Variants in SHLD2 observed in about 807,000 individuals in gnomAD.
The protein encoded by SHLD2 is shieldin complex subunit 2.
A neutral mutation model predicts 73.2 loss-of-function variants in SHLD2; 30 were observed. The observed-to-expected ratio is 0.41, with a 90% CI of 0.31 to 0.56. The LOEUF (loss-of-function observed/expected upper bound fraction) is 0.56. SHLD2 is among the 20% of genes least tolerant of loss of function. SHLD2 has a pLI of 0.28. For missense variants in SHLD2, 745 were observed against 1,055.9 expected, an observed-to-expected ratio of 0.71 and a Z score of 4.08; for synonymous variants, 285 against 370.1, an observed-to-expected ratio of 0.77 and a Z score of 2.64.
intron 2 of SHLD2, among the ~76,000 whole-genome samples, chr10:87,106,797 G>A (rs988854466): frequency 1.3e-5 from 2 of 152,122 alleles, no homozygotes; most frequent in African/African-American, 4.8e-5. Context: ...TAAAATAAGA[G>A]GGCTAAACTG....
chr10:87,191,038 T>C lies in SHLD2; in HGVS notation c.*355T>C, dbSNP rs1249205816. On this transcript the variant is annotated 3_prime_UTR_variant, in exon 10 of 10. Transcript: ENST00000298786. ...GGGGAACCACAGAGAAGACATTCCC[T>C]CAGAAACTGCTGCAGTGCTTTCGCT... The C allele has an allele frequency of 4.0e-5, 11 of 275,874 alleles. No homozygotes were observed. The highest frequency in any genetic ancestry group is 7.6e-5 in the Non-Finnish European group (11 of 145,470). 17.1% of individuals were successfully genotyped at this position (275,874 alleles called of 1,614,324 possible).
chr10:87,169,225 T>G (rs967964284), intron 4 of SHLD2, among the ~76,000 whole-genome samples: 1 of 152,252 alleles, frequency 6.6e-6, no homozygotes, highest in Non-Finnish European at 1.5e-5. Flanking sequence ...ATGTACAAGT[T>G]CACAGAGCTT....
intron 7 of SHLD2, among the ~76,000 whole-genome samples, chr10:87,177,408 G>T (rs549292432): frequency 1.3e-5 from 2 of 151,906 alleles, no homozygotes; most frequent in Non-Finnish European, 2.9e-5. Context: ...ACGCAGCCAG[G>T]AATTGTGCAT....
chr10:87,153,144 C>T (rs1196685199), intron 3 of SHLD2, among the ~76,000 whole-genome samples: 1 of 152,262 alleles, frequency 6.6e-6, no homozygotes, highest in South Asian at 2.1e-4. Flanking sequence ...CTTCCCTAGT[C>T]AGGTGGAGTG....
Position 87,151,494 on chromosome 10 carries a change from C to T in SHLD2, c.140C>T (p.Ser47Phe). 1 of 1,610,980 alleles carries T rather than the reference C, an allele frequency of 6.2e-7. No homozygotes were observed. Reference protein sequence around the residue: ...KKIQLLYSQHSLYLKDEKQHK... With the variant: ...KKIQLLYSQHFLYLKDEKQHK... ...ATTCAGCTTTTATACAGTCAACATT[C>T]TTTATATCTGAAGGATGAAAAACAG... The change falls in exon 3 of 10, where the codon TCT (serine) becomes TTT (phenylalanine). Residue 47 changes from serine to phenylalanine, a missense_variant. Ser to Phe is a radical substitution (Grantham distance 155, BLOSUM62 -2). Coordinates refer to ENST00000298786, the MANE Select transcript of SHLD2 (RefSeq NM_001330112.2).
At chr10:87,101,228 A>C (rs1233377759) in intron 2 of SHLD2, among the ~76,000 whole-genome samples, 8 of 152,228 alleles carry the variant, frequency 5.3e-5, no homozygotes, top group African/African-American at 1.9e-4. Context: ...AGAATTCAAG[A>C]GAATCAAGGC....
chr10:87,176,802 A>T (rs560146822), intron 7 of SHLD2, among the ~76,000 whole-genome samples: 2 of 152,198 alleles, frequency 1.3e-5, no homozygotes, highest in South Asian at 4.1e-4. Flanking sequence ...CAAAGACAAT[A>T]CCTCTCAAAA....
intron 2 of SHLD2, among the ~76,000 whole-genome samples, chr10:87,105,071 C>G (rs1051062095): frequency 3.3e-5 from 5 of 152,122 alleles, no homozygotes; most frequent in African/African-American, 4.8e-5. Context: ...ATGGCACATT[C>G]AGTTGTTCAT....
At chr10:87,100,310 A>T (rs1842180188) in intron 2 of SHLD2, among the ~76,000 whole-genome samples, 1 of 152,156 alleles carries the variant, frequency 6.6e-6, no homozygotes, top group Non-Finnish European at 1.5e-5. Flanking sequence ...ATTCTTTTGC[A>T]CGTGGCTATC....
chr10:87,177,880 G>A (rs1848042964), intron 7 of SHLD2, among the ~76,000 whole-genome samples: 1 of 152,208 alleles, frequency 6.6e-6, no homozygotes, highest in Non-Finnish European at 1.5e-5. Flanking sequence ...CTTTTCAAGA[G>A]TTGTGTAAAT....
In SHLD2 at chr10:87,107,094, CA is replaced by C. The variant is rs1554827009; in HGVS notation, c.-6+10119del. On this transcript the variant is annotated intron_variant, in intron 2 of 9. Transcript: ENST00000298786. ...GATATTAATCTAAAGCAATAATTGG[CA>C]AAAAAAAAAAAAAGAGATTTAAAAT... 4.5e-3 allele frequency among the ~76,000 whole-genome samples: 500 copies of C among 110,466 alleles called. 3 individuals carry two copies. Among genetic ancestry groups the C allele is most frequent in the African/African-American group, 0.011 (342 of 30,024 alleles). The allele number at this position is 110,466 out of a possible 152,430, so 72.5% of individuals were successfully genotyped here. A position where few individuals can be genotyped will look rare whatever the true frequency, so the allele number is the denominator to read the frequency against.
At chr10:87,130,520 C>G (rs1022093149) in intron 2 of SHLD2, among the ~76,000 whole-genome samples, 6 of 152,012 alleles carry the variant, frequency 3.9e-5, no homozygotes, top group Non-Finnish European at 5.9e-5. Context: ...GCGTAGTAAC[C>G]TAACCATGTG....
At chr10:87,162,121 G>C (rs1325440012) in intron 4 of SHLD2, among the ~76,000 whole-genome samples, 2 of 151,986 alleles carry the variant, frequency 1.3e-5, no homozygotes, top group East Asian at 3.8e-4. Context: ...ACACCATATG[G>C]ATTAATAGTC....
At chr10:87,098,407 G>A (rs1222630551) in intron 2 of SHLD2, among the ~76,000 whole-genome samples, 4 of 151,922 alleles carry the variant, frequency 2.6e-5, no homozygotes, top group Non-Finnish European at 5.9e-5. Context: ...CAGCTACTCA[G>A]GAGGCTGAGG....
rs779402507 is a variant in SHLD2, at chr10:87,190,606, T to C, written c.2638T>C (p.Tyr880His). The change falls in exon 10 of 10, where the codon TAT becomes CAT. Residue 880 changes from tyrosine (Y) to histidine (H), a missense_variant. Coordinates refer to ENST00000298786, the MANE Select transcript of SHLD2 (RefSeq NM_001330112.2). ...CCTTTTTGTGTTAGATGAAAACAGC[T>C]ATCCATTACAACAAGATTTCTCCCT... ...QSLFVLDENS[Y>H]PLQQDFSLLD... 3 of 1,611,914 alleles carry C rather than the reference T, an allele frequency of 1.9e-6. No homozygotes were observed. In the South Asian group the frequency reaches 3.3e-5, roughly 18 times the overall value.
intron 2 of SHLD2, among the ~76,000 whole-genome samples, chr10:87,137,582 G>A (rs918447662): frequency 2.2e-4 from 33 of 152,216 alleles, no homozygotes; most frequent in Non-Finnish European, 4.6e-4. Flanking sequence ...ATATCAGATG[G>A]TCTAACATAT....
intron 6 of SHLD2, among the ~76,000 whole-genome samples, chr10:87,172,942 CAT>C (rs1847693666): frequency 1.3e-5 from 2 of 151,712 alleles, no homozygotes; most frequent in African/African-American, 4.8e-5. Flanking sequence ...GTTTGAATTT[CAT>C]ATGTGTGTGA....
At chr10:87,136,131 TA>T (rs1389935748) in intron 2 of SHLD2, among the ~76,000 whole-genome samples, 1 of 152,036 alleles carries the variant, frequency 6.6e-6, no homozygotes, top group Non-Finnish European at 1.5e-5. Flanking sequence ...GACTTATGGA[TA>T]TTTTATACCT....
intron 4 of SHLD2, 69 bp from the exon 5 acceptor site, chr10:87,170,409 A>G: frequency 1.8e-6 from 2 of 1,141,426 alleles, no homozygotes; most frequent in Non-Finnish European, 2.5e-6. Context: ...CAGTTCTAAA[A>G]AATATTATTT....
Sources: allele counts gnomAD v4.1 joint callset (sites outside exome capture counted in the v4.1 genomes callset), GRCh38; gene constraint gnomAD v4.1.1; transcripts MANE v1.5; gene names NCBI Gene and HGNC (gene_info 2026-07-23, HGNC 2026-07-21).